Variants in PRRC2B observed in about 807,000 individuals in gnomAD.
PRRC2B encodes the protein protein PRRC2B.
A neutral mutation model predicts 242.3 loss-of-function variants in PRRC2B; 68 were observed. The ratio of observed to expected loss-of-function variants is 0.28; its 90% confidence interval spans 0.23 to 0.34. The LOEUF (loss-of-function observed/expected upper bound fraction) is 0.34. Among genes scored for constraint, PRRC2B ranks in the 10% least tolerant of loss-of-function variants. The pLI is 1.00. For missense variants in PRRC2B, 2,835 were observed against 2,954.8 expected (o/e 0.96, Z 0.94); for synonymous variants, 1,228 against 1,173.6 (o/e 1.05, Z -0.95).
At chr9:131,425,145 C>T (rs1432422560) in intron 1 of PRRC2B, among the ~76,000 whole-genome samples, 4 of 152,104 alleles carry the variant, frequency 2.6e-5, no homozygotes, top group Non-Finnish European at 4.4e-5. Flanking sequence ...ACCACCATGC[C>T]TGGCTCCTTT....
In PRRC2B at chr9:131,459,289, G is replaced by T; in HGVS notation, c.1337G>T (p.Arg446Leu). ...GCAGTGGGTGCGTCCCGTGTGGTCC[G>T]AAAGGCGCCAGACCCTCAGCCACCG... ...AEAVGASRVVRKAPDPQPPPR... is the reference protein window; with the variant it reads ...AEAVGASRVVLKAPDPQPPPR... The change falls in exon 11 of 32, where the codon CGA becomes CTA. Residue 446 changes from arginine (R) to leucine (L), a missense_variant. Transcript: ENST00000683519. 1.9e-6 allele frequency: 3 copies of T among 1,613,928 alleles called. No individual in the cohort carries two copies. Among genetic ancestry groups the T allele is most frequent in the Non-Finnish European group, 2.5e-6 (3 of 1,179,856 alleles).
At chr9:131,484,623 G>A in intron 23 of PRRC2B, 63 bp from the exon 24 acceptor site, 1 of 1,339,430 alleles carries the variant, frequency 7.5e-7, no homozygotes. Context: ...GCCATGGATG[G>A]GTTTGGGCAA....
chr9:131,490,505 A>G (rs757178886), intron 28 of PRRC2B: 10 of 519,016 alleles, frequency 1.9e-5, no homozygotes, highest in South Asian at 4.2e-5. Flanking sequence ...TGTAATTCCA[A>G]TAGATCCTTC....
chr9:131,403,928 T>C (rs996284880), intron 1 of PRRC2B, among the ~76,000 whole-genome samples: 1 of 152,190 alleles, frequency 6.6e-6, no homozygotes, highest in Non-Finnish European at 1.5e-5. Context: ...CTTATTTTTA[T>C]TTTCAGTAAT....
chr9:131,439,044 C>T lies in PRRC2B; in HGVS notation c.452C>T (p.Pro151Leu). ...TCATGGGCACAGCTGAATGGAAAGC[C>T]AGTAGGACACGAAGGTGGTAAGTGC... ...PKSWAQLNGK[P>L]VGHEGGLRGS... Residue 151 changes from proline to leucine, a missense_variant, in exon 5 of 32, where the codon CCA becomes CTA. This residue lies in a region of PRRC2B where 626 missense variants were observed against 685.5 expected (regional missense o/e 0.91). Transcript: ENST00000683519. 1.9e-6 allele frequency: 3 copies of T among 1,613,716 alleles called. No individual in the cohort carries two copies. The highest frequency in any genetic ancestry group is 2.5e-6 in the Non-Finnish European group (3 of 1,179,742).
rs929797856 is a variant in PRRC2B at position 131,432,684 on chromosome 9, A to G, written c.183A>G (p.Ala61=). The G allele has an allele frequency of 2.5e-6, 4 of 1,614,068 alleles. No homozygotes were observed. Among genetic ancestry groups the G allele is most frequent in the Non-Finnish European group, 3.4e-6 (4 of 1,179,900 alleles). ...VAAARRMPPP[A]NLPSLKSENK... ...CAGCCCGGCGCATGCCACCGCCTGC[A>G]AACCTGCCAAGCTTGAAGTCTGAAA... The change falls in exon 3 of 32, where the codon GCA becomes GCG. Residue 61 remains alanine (A), a synonymous_variant. Transcript: ENST00000683519.
At chr9:131,393,775 C>T (rs555696289), upstream of PRRC2B, among the ~76,000 whole-genome samples, 10 of 151,036 alleles carry the variant, frequency 6.6e-5, no homozygotes, top group Non-Finnish European at 1.3e-4. Flanking sequence ...CTTCTCTTGG[C>T]TCCTGGCCCC....
At chr9:131,462,608 G>A (rs1363803722) in intron 11 of PRRC2B, among the ~76,000 whole-genome samples, 1 of 151,706 alleles carries the variant, frequency 6.6e-6, no homozygotes, top group Admixed American at 6.6e-5. Flanking sequence ...GGGAGGCCGA[G>A]GCGGGTGGAT....
intron 13 of PRRC2B, among the ~76,000 whole-genome samples, chr9:131,470,142 G>A (rs1943500912): frequency 6.6e-6 from 1 of 152,212 alleles, no homozygotes; most frequent in South Asian, 2.1e-4. Flanking sequence ...GGAGCAGAAA[G>A]TGGAGGGCCA....
At chr9:131,427,910 TA>T (rs1238882855) in intron 1 of PRRC2B, among the ~76,000 whole-genome samples, 4 of 152,348 alleles carry the variant, frequency 2.6e-5, no homozygotes, top group East Asian at 1.9e-4. Context: ...ACAAGTGTTT[TA>T]TTTTTTTGTT....
chr9:131,485,965 C>T lies in PRRC2B; in HGVS notation c.5759-120C>T, dbSNP rs560423863. ...GGGAACCTAGCAGCCTCTGTACACA[C>T]GCCCTCGTCCCCACTGAGTCCCCTG... On this transcript the variant is annotated intron_variant, in intron 25 of 31. Coordinates refer to ENST00000683519, the MANE Select transcript of PRRC2B (RefSeq NM_013318.4). The T allele has an allele frequency of 6.3e-4, 470 of 749,192 alleles. 1 individual carries two copies. The highest frequency in any genetic ancestry group is 9.0e-4 in the Non-Finnish European group (378 of 419,316). The allele number at this position is 749,192 out of a possible 1,614,324, so 46.4% of individuals were successfully genotyped here. A position where few individuals can be genotyped will look rare whatever the true frequency, so the allele number is the denominator to read the frequency against.
chr9:131,451,558 A>T (rs1942919939), intron 9 of PRRC2B, among the ~76,000 whole-genome samples: 1 of 152,170 alleles, frequency 6.6e-6, no homozygotes, highest in African/African-American at 2.4e-5. Context: ...TCTTTTTCAG[A>T]TTACGTGCCT....
chr9:131,433,988 C>T (rs550493165), intron 3 of PRRC2B, among the ~76,000 whole-genome samples: 1 of 152,264 alleles, frequency 6.6e-6, no homozygotes, highest in East Asian at 1.9e-4. Flanking sequence ...ATCTACCAGC[C>T]CTAAGTGGTT....
intron 1 of PRRC2B, among the ~76,000 whole-genome samples, chr9:131,424,193 C>T (rs1315793107): frequency 6.6e-6 from 1 of 152,188 alleles, no homozygotes; most frequent in Non-Finnish European, 1.5e-5. Context: ...CCGCCTGCTT[C>T]AGCTCCCCAA....
intron 1 of PRRC2B, among the ~76,000 whole-genome samples, chr9:131,388,155 T>C (rs1249417041): frequency 6.9e-6 from 1 of 144,494 alleles, no homozygotes; most frequent in Non-Finnish European, 1.5e-5. Flanking sequence ...TCCACTGCAC[T>C]CCAGCCTGGG....
intron 1 of PRRC2B, among the ~76,000 whole-genome samples, chr9:131,404,782 G>A (rs1837323307): frequency 6.6e-6 from 1 of 152,134 alleles, no homozygotes; most frequent in Non-Finnish European, 1.5e-5. Flanking sequence ...ATATTTTGTG[G>A]GTATACTTGA....
chr9:131,442,118 AC>A (rs1241709832), intron 5 of PRRC2B, among the ~76,000 whole-genome samples: 2 of 151,384 alleles, frequency 1.3e-5, no homozygotes, highest in Non-Finnish European at 2.9e-5. Flanking sequence ...TTTCAAATCT[AC>A]CTTTTTTTTT....
chr9:131,408,211 G>A (rs1837417780), intron 1 of PRRC2B, among the ~76,000 whole-genome samples: 1 of 152,216 alleles, frequency 6.6e-6, no homozygotes, highest in African/African-American at 2.4e-5. Context: ...GAGGTCTCGG[G>A]CCTTGCTGGT....
chr9:131,387,253 C>T (rs1294885912), intron 1 of PRRC2B, among the ~76,000 whole-genome samples: 8 of 150,046 alleles, frequency 5.3e-5, no homozygotes, highest in Admixed American at 4.9e-4. Flanking sequence ...CGCCCGTCTC[C>T]GCCTCCCAAA....
Sources: allele counts gnomAD v4.1 joint callset (sites outside exome capture counted in the v4.1 genomes callset), GRCh38; gene constraint gnomAD v4.1.1; regional missense constraint gnomAD v4.1.1; transcripts MANE v1.5; gene names NCBI Gene and HGNC (gene_info 2026-07-23, HGNC 2026-07-21).